The following ELAVL3 variants were observed in gnomAD, a reference collection of about 807,000 sequenced individuals.
ELAVL3 encodes ELAV-like protein 3.
A neutral mutation model predicts 34.2 loss-of-function variants in ELAVL3; 8 were observed. That is an observed-to-expected ratio of 0.23 (90% CI 0.14 to 0.42). The LOEUF (loss-of-function observed/expected upper bound fraction) is 0.42, where lower values mean the gene tolerates loss of function less well. Ranked by LOEUF, ELAVL3 falls within the 10% of genes least tolerant of loss-of-function variation. The probability of loss-of-function intolerance (pLI) is 1.00; values close to 1 mark genes in which losing one functional copy is unlikely to be tolerated. For missense variants in ELAVL3, 273 were observed against 518.8 expected (o/e 0.53, Z 4.60); for synonymous variants, 209 against 222.1 (o/e 0.94, Z 0.53).
At position 11,451,997 on chromosome 19, in the gene ELAVL3, G is replaced by A. The variant is rs1368110977; in HGVS notation, c.*2529C>T. 1 of 152,240 alleles carries A rather than the reference G, an allele frequency of 6.6e-6. No homozygotes were observed. The highest frequency in any genetic ancestry group is 1.5e-5 in the Non-Finnish European group (1 of 68,030). 9.4% of individuals were successfully genotyped at this position (152,240 alleles called of 1,614,324 possible). A position where few individuals can be genotyped will look rare whatever the true frequency, so the allele number is the denominator to read the frequency against. The stretch of plus-strand genomic sequence containing the variant: ...GAGAGGGGTCCCTGCCCTGCTGCAG[G>A]GGAGAGGAGAGAGGGCAGGGAGGAC... On this transcript the variant is annotated 3_prime_UTR_variant, in exon 7 of 7. Transcript: ENST00000359227.
At chr19:11,455,196 C>T (rs559722943) in intron 6 of ELAVL3, among the ~76,000 whole-genome samples, 3 of 152,132 alleles carry the variant, frequency 2.0e-5, no homozygotes, top group African/African-American at 7.2e-5. Context: ...GACACAGTCT[C>T]ACTATGTTGC....
At position 11,459,299 on chromosome 19, in the gene ELAVL3, TA is replaced by T. The variant is rs1330898428; in HGVS notation, c.334-689del. 5.0e-4 allele frequency among the ~76,000 whole-genome samples: 76 copies of T among 151,970 alleles called. 1 individual carries two copies. The highest frequency in any genetic ancestry group is 3.4e-3 in the Middle Eastern group (1 of 294). ...CACCACGCCTAGCTAATTTTTTTTT[TA>T]TTTTTTTGTATTTTTAGTAGAGACG... On this transcript the variant is annotated intron_variant, in intron 3 of 6. Transcript: ENST00000359227.
chr19:11,473,405 T>A (rs1971205561), intron 1 of ELAVL3, among the ~76,000 whole-genome samples: 1 of 152,036 alleles, frequency 6.6e-6, no homozygotes, highest in Non-Finnish European at 1.5e-5. Context: ...GAAAAAGAAA[T>A]CACATACAGT....
At chr19:11,456,786 C>A (rs1015480605) in intron 6 of ELAVL3, among the ~76,000 whole-genome samples, 8 of 152,156 alleles carry the variant, frequency 5.3e-5, no homozygotes, top group Non-Finnish European at 1.0e-4. Context: ...GCCTCAGCCT[C>A]CTGAGTAGCC....
Position 11,451,806 on chromosome 19 carries a change from G to T in ELAVL3, c.*2720C>A, listed in dbSNP as rs1004440541. 1.3e-5 allele frequency: 2 copies of T among 152,004 alleles called. No homozygotes were observed. The highest frequency in any genetic ancestry group is 2.9e-5 in the Non-Finnish European group (2 of 67,958). 9.4% of individuals were successfully genotyped at this position (152,004 alleles called of 1,614,324 possible). On this transcript the variant is annotated 3_prime_UTR_variant, in exon 7 of 7. Transcript: ENST00000359227. ...GGCAGGGGCCTAGGCCTCGGTGGGG[G>T]GGGGGTGTGTGGGGAGGTGCCCCCT... is the stretch of plus-strand genomic sequence containing the variant.
chr19:11,474,353 T>C (rs1240913361), intron 1 of ELAVL3, among the ~76,000 whole-genome samples: 1 of 152,082 alleles, frequency 6.6e-6, no homozygotes, highest in East Asian at 1.9e-4. Flanking sequence ...TCCCAGCACT[T>C]TGGGAGGCCG....
rs1001869850 is a variant in ELAVL3 at position 11,480,111 on chromosome 19, G to C, written c.9+489C>G. Reference sequence around the variant, plus strand: ...CGCTTGCCGCAAGGTCGACGGGCTCGAGGACGAGACGCCCGCCTCCCGGGT... The same window carrying C: ...CGCTTGCCGCAAGGTCGACGGGCTCCAGGACGAGACGCCCGCCTCCCGGGT... On this transcript the variant is annotated intron_variant, in intron 1 of 6. Coordinates refer to ENST00000359227, the MANE Select transcript of ELAVL3 (RefSeq NM_001420.4). This position sits in a 1 kb window ranked among gnomAD's most constrained non-coding sequence, Gnocchi z 6.8. 3 of 153,484 alleles carry C rather than the reference G, an allele frequency of 2.0e-5. No individual in the cohort carries two copies. The East Asian group carries it at 5.8e-4, about 29-fold the overall frequency. 9.5% of individuals were successfully genotyped at this position (153,484 alleles called of 1,614,324 possible). A position where few individuals can be genotyped will look rare whatever the true frequency, so the allele number is the denominator to read the frequency against.
chr19:11,463,203 G>C (rs978736979), intron 3 of ELAVL3, among the ~76,000 whole-genome samples: 4 of 152,086 alleles, frequency 2.6e-5, no homozygotes, highest in Non-Finnish European at 4.4e-5. Context: ...GTTTCCCAAG[G>C]GCAAGGATGG....
At chr19:11,477,438 C>A (rs1971282259) in intron 1 of ELAVL3, among the ~76,000 whole-genome samples, 4 of 152,090 alleles carry the variant, frequency 2.6e-5, no homozygotes, top group African/African-American at 9.7e-5. Context: ...ACCCAGCCGG[C>A]TAATTTTTCT....
rs745792395 is a variant in ELAVL3 at position 11,454,796 on chromosome 19, G to GC, written c.833dup (p.Ala279ArgfsTer40). The stretch of plus-strand genomic sequence containing the variant: ...AGATGCACCAGCCGGCGCCCGCCGC[G>GC]CCCCCCGACAGGCCCACGCCCGCCA... On this transcript the variant is annotated frameshift_variant, in exon 7 of 7. Coordinates refer to ENST00000359227, the MANE Select transcript of ELAVL3 (RefSeq NM_001420.4). LOFTEE classifies it high-confidence loss of function. This position sits in a 1 kb window ranked among gnomAD's most constrained non-coding sequence, Gnocchi z 9.2. 6.2e-7 allele frequency: 1 copy of GC among 1,612,470 alleles called. No individual in the cohort carries two copies. The highest frequency in any genetic ancestry group is 1.7e-5 in the Admixed American group (1 of 59,988).
chr19:11,477,691 A>ATTTT (rs963586249), intron 1 of ELAVL3, among the ~76,000 whole-genome samples: 1 of 120,160 alleles, frequency 8.3e-6, no homozygotes, highest in Non-Finnish European at 1.8e-5. Context: ...CTAGATCCCT[A>ATTTT]TTTTTTTTTT....
intron 3 of ELAVL3, among the ~76,000 whole-genome samples, chr19:11,463,419 C>T (rs989286712): frequency 6.6e-6 from 1 of 152,176 alleles, no homozygotes; most frequent in East Asian, 1.9e-4. Flanking sequence ...GAGGGTGACA[C>T]AGGCCACTGT....
At chr19:11,473,319 C>G (rs1396907587) in intron 1 of ELAVL3, among the ~76,000 whole-genome samples, 1 of 151,798 alleles carries the variant, frequency 6.6e-6, no homozygotes, top group Non-Finnish European at 1.5e-5. Context: ...GAGCCGAGAT[C>G]GCACCACTGC....
chr19:11,471,599 A>C (rs1310911644), intron 1 of ELAVL3, among the ~76,000 whole-genome samples: 1 of 151,618 alleles, frequency 6.6e-6, no homozygotes, highest in Non-Finnish European at 1.5e-5. Flanking sequence ...GGCGACAGAG[A>C]GAGACTCTGT....
chr19:11,457,540 G>T (rs1304917843), intron 5 of ELAVL3, among the ~76,000 whole-genome samples: 1 of 152,176 alleles, frequency 6.6e-6, no homozygotes, highest in East Asian at 1.9e-4. Flanking sequence ...GGCCCACAAG[G>T]GGCTTCCATT....
chr19:11,460,430 AC>A lies in ELAVL3; in HGVS notation c.334-1820del, dbSNP rs374533351. Among the ~76,000 whole-genome samples the A allele has an allele frequency of 7.1e-3, 1,060 of 149,950 alleles. 9 individuals are homozygous for A. The highest frequency in any genetic ancestry group is 0.025 in the African/African-American group (999 of 40,604). On this transcript the variant is annotated intron_variant, in intron 3 of 6. Transcript: ENST00000359227. ...AGGTCGCATCCCCCCTCTGCTCAGAACCCTCTATGGCTCCCACCTTCCTCAG... is the reference window on the plus strand; with the variant it reads ...AGGTCGCATCCCCCCTCTGCTCAGAACCTCTATGGCTCCCACCTTCCTCAG...
At position 11,454,447 on chromosome 19, in the gene ELAVL3, C is replaced by A; in HGVS notation, c.*79G>T. Reference sequence around the variant, plus strand: ...CTGCCTGTGCTGTCTCTCTTGGGCCCCTTCTCTCTCTCTCTCTCTCTTTCT... The same window carrying A: ...CTGCCTGTGCTGTCTCTCTTGGGCCACTTCTCTCTCTCTCTCTCTCTTTCT... On this transcript the variant is annotated 3_prime_UTR_variant, in exon 7 of 7. Coordinates refer to ENST00000359227, the MANE Select transcript of ELAVL3 (RefSeq NM_001420.4). This position sits in a 1 kb window ranked among gnomAD's most constrained non-coding sequence, Gnocchi z 9.2. The A allele has an allele frequency of 7.6e-7, 1 of 1,320,390 alleles. No homozygotes were observed. The highest frequency in any genetic ancestry group is 1.0e-6 in the Non-Finnish European group (1 of 985,596). 81.8% of individuals were successfully genotyped at this position (1,320,390 alleles called of 1,614,324 possible).
At chr19:11,460,128 T>C (rs538008000) in intron 3 of ELAVL3, among the ~76,000 whole-genome samples, 2 of 152,118 alleles carry the variant, frequency 1.3e-5, no homozygotes, top group South Asian at 4.1e-4. Context: ...TAATGGCAAC[T>C]CTGTCCTCCT....
At chr19:11,477,016 C>G (rs2144915388) in intron 1 of ELAVL3, among the ~76,000 whole-genome samples, 1 of 152,292 alleles carries the variant, frequency 6.6e-6, no homozygotes, top group South Asian at 2.1e-4. Flanking sequence ...ATAATAACAG[C>G]AAAGCGAAGC....
Sources: gnomAD v4.1 joint callset for allele counts (sites outside exome capture counted in the v4.1 genomes callset) on GRCh38, gnomAD v4.1.1 for gene constraint, Gnocchi (gnomAD v3.1) non-coding constraint, MANE v1.5 for transcripts, NCBI Gene and HGNC (gene_info 2026-07-23, HGNC 2026-07-21) for gene names.